Variants in MTRF1L observed in about 807,000 individuals in gnomAD.
MTRF1L encodes mitochondrial translation release factor 1 like, also known as peptide chain release factor 1-like, mitochondrial.
In MTRF1L, 29 loss-of-function variants were observed where a neutral mutation model predicts 40.0. That is an observed-to-expected ratio of 0.73 (90% CI 0.54 to 0.99). MTRF1L has a LOEUF of 0.99. Ranked by LOEUF, MTRF1L falls within the 50% of genes least tolerant of loss-of-function variation. The pLI is 0.00. For missense variants in MTRF1L, 412 were observed against 464.5 expected (o/e 0.89, Z 1.04); for synonymous variants, 150 against 175.8 (o/e 0.85, Z 1.16).
intron 3 of MTRF1L, 136 bp from the exon 4 acceptor site, chr6:152,994,812 A>G (rs1326770926): frequency 1.8e-6 from 2 of 1,087,196 alleles, no homozygotes; most frequent in Admixed American, 4.4e-5. Flanking sequence ...AAACATATTA[A>G]AATATTCAAT....
At chr6:152,991,845 G>A (rs1778535526) in intron 5 of MTRF1L, among the ~76,000 whole-genome samples, 2 of 152,110 alleles carry the variant, frequency 1.3e-5, no homozygotes, top group African/African-American at 4.8e-5. Flanking sequence ...CACCGCGCCC[G>A]GCCTAGCACA....
Position 152,998,636 on chromosome 6 carries a change from A to G in MTRF1L, c.260-7T>C. The stretch of plus-strand genomic sequence containing the variant: ...CTTAAATCTTCATTCTCATCTAGGA[A>G]AAAAAGGGCAGAAGTTAAGGTTTTC... On this transcript the variant is annotated splice_polypyrimidine_tract_variant and splice_region_variant and intron_variant, in intron 1 of 6. Coordinates refer to ENST00000367233, the MANE Select transcript of MTRF1L (RefSeq NM_019041.7). 5 of 1,581,356 alleles carry G rather than the reference A, an allele frequency of 3.2e-6. No homozygotes were observed. Among genetic ancestry groups the G allele is most frequent in the Non-Finnish European group, 4.3e-6 (5 of 1,165,778 alleles).
chr6:152,992,594 A>G (rs904425483), intron 5 of MTRF1L, among the ~76,000 whole-genome samples: 1 of 152,080 alleles, frequency 6.6e-6, no homozygotes, highest in Non-Finnish European at 1.5e-5. Flanking sequence ...AAAACTCAGA[A>G]CTCCACCTGA....
chr6:152,997,620 G>A (rs1778757729), intron 2 of MTRF1L, among the ~76,000 whole-genome samples: 1 of 152,082 alleles, frequency 6.6e-6, no homozygotes, highest in African/African-American at 2.4e-5. Context: ...AGTCTTTTTG[G>A]GGATTCTCAA....
Position 152,989,888 on chromosome 6 carries a change from A to C in MTRF1L, c.*7T>G, listed in dbSNP as rs1778440689. 1 of 1,606,346 alleles carries C rather than the reference A, an allele frequency of 6.2e-7. No homozygotes were observed. The highest frequency in any genetic ancestry group is 8.5e-7 in the Non-Finnish European group (1 of 1,177,698). Reference sequence around the variant, plus strand: ...AAGCTACGAAAGTCTATAAATAACAAATCAACTTAAACTTTTTGGGAAATA... The same window carrying C: ...AAGCTACGAAAGTCTATAAATAACACATCAACTTAAACTTTTTGGGAAATA... On this transcript the variant is annotated 3_prime_UTR_variant, in exon 7 of 7. Coordinates refer to ENST00000367233, the MANE Select transcript of MTRF1L (RefSeq NM_019041.7).
chr6:152,989,687 A>G lies in MTRF1L; in HGVS notation c.*208T>C, dbSNP rs1335034726. 8.7e-6 allele frequency: 5 copies of G among 572,650 alleles called. No homozygotes were observed. The highest frequency in any genetic ancestry group is 1.4e-5 in the Non-Finnish European group (5 of 347,024). The allele number at this position is 572,650 out of a possible 1,614,324, so 35.5% of individuals were successfully genotyped here. ...ATGGGTTTATTGGGAATTAACCACAATGTAAATCGAGGACCATCTGTATAT... is the reference window on the plus strand; with the variant it reads ...ATGGGTTTATTGGGAATTAACCACAGTGTAAATCGAGGACCATCTGTATAT... On this transcript the variant is annotated 3_prime_UTR_variant, in exon 7 of 7. Transcript: ENST00000367233.
chr6:152,992,891 C>T lies in MTRF1L; in HGVS notation c.771G>A (p.Thr257=), dbSNP rs1368810534. Residue 257 remains threonine (T), a synonymous_variant, in exon 5 of 7, where the codon ACG becomes ACA. Transcript: ENST00000367233. ...SGAGGQHVNT[T]DSAVRIVHLP... ...GATGAACTATCCGGACAGCACTGTC[C>T]GTGGTATTTACATGCTGCCCCCCAG... The T allele has an allele frequency of 1.1e-5, 18 of 1,612,056 alleles. No individual in the cohort carries two copies. The highest frequency in any genetic ancestry group is 6.7e-5 in the African/African-American group (5 of 74,822).
chr6:152,997,365 A>G (rs1251234349), intron 2 of MTRF1L, among the ~76,000 whole-genome samples: 3 of 152,216 alleles, frequency 2.0e-5, no homozygotes, highest in African/African-American at 4.8e-5. Flanking sequence ...CAAACTTTCC[A>G]CTGGATGGGT....
At chr6:152,999,288 G>T (rs943167738) in intron 1 of MTRF1L, among the ~76,000 whole-genome samples, 2 of 41,880 alleles carry the variant, frequency 4.8e-5, no homozygotes, top group African/African-American at 1.7e-4. Flanking sequence ...ATATATAAAG[G>T]AGGAGGAAAG....
chr6:152,995,490 C>T (rs1376620226), intron 2 of MTRF1L, among the ~76,000 whole-genome samples, 171 bp from the exon 3 acceptor site: 1 of 152,108 alleles, frequency 6.6e-6, no homozygotes, highest in Admixed American at 6.5e-5. Context: ...TAATGTGTAA[C>T]TTCCATAAAG....
At chr6:152,997,477 T>C (rs1357065779) in intron 2 of MTRF1L, among the ~76,000 whole-genome samples, 1 of 152,208 alleles carries the variant, frequency 6.6e-6, no homozygotes, top group African/African-American at 2.4e-5. Context: ...CTTTGAATTA[T>C]AACCAGAAGT....
chr6:152,998,670 G>C (rs773251109), intron 1 of MTRF1L, 41 bp from the exon 2 acceptor site: 1 of 1,364,732 alleles, frequency 7.3e-7, no homozygotes, highest in Non-Finnish European at 1.0e-6. Context: ...TCCTTAATTA[G>C]TGTTAAATTG....
At chr6:152,992,238 C>T (rs1229778167) in intron 5 of MTRF1L, among the ~76,000 whole-genome samples, 1 of 152,208 alleles carries the variant, frequency 6.6e-6, no homozygotes, top group African/African-American at 2.4e-5. Context: ...GATTTGCTAT[C>T]CCTATGCTCT....
intron 2 of MTRF1L, among the ~76,000 whole-genome samples, chr6:152,997,061 A>G (rs1778739038): frequency 6.6e-6 from 1 of 152,180 alleles, no homozygotes; most frequent in Non-Finnish European, 1.5e-5. Context: ...TTGCTGGTGA[A>G]GCTTGGGTGG....
chr6:152,992,340 A>G (rs1249018007), intron 5 of MTRF1L, among the ~76,000 whole-genome samples: 1 of 152,230 alleles, frequency 6.6e-6, no homozygotes, highest in Non-Finnish European at 1.5e-5. Flanking sequence ...CCCTTTGCCT[A>G]ACTATCTAGA....
At chr6:152,997,911 A>C (rs1778768046) in intron 2 of MTRF1L, among the ~76,000 whole-genome samples, 1 of 152,076 alleles carries the variant, frequency 6.6e-6, no homozygotes, top group Non-Finnish European at 1.5e-5. Context: ...TTTAGTTAAT[A>C]ATATAAAAAA....
chr6:152,991,487 T>C (rs1267262627), intron 5 of MTRF1L, 166 bp from the exon 6 acceptor site: 5 of 763,786 alleles, frequency 6.5e-6, no homozygotes, highest in Non-Finnish European at 9.5e-6. Context: ...TTTGCAGAGT[T>C]TATCAGAAAA....
At position 152,991,274 on chromosome 6, in the gene MTRF1L, C is replaced by T; in HGVS notation, c.853G>A (p.Glu285Lys). Residue 285 changes from glutamate (E) to lysine (K), a missense_variant, in exon 6 of 7, where the codon GAG becomes AAG. By Grantham distance (56) the Glu-to-Lys change is moderately conservative. Transcript: ENST00000367233. ...GCACGTAACTTTGTCATAGCCAGCT[C>T]TTTATTTTTCAGCTGAGATCTCTCT... Reference protein sequence around the residue: ...QQERSQLKNKELAMTKLRAKL... With the variant: ...QQERSQLKNKKLAMTKLRAKL... 6.2e-7 allele frequency: 1 copy of T among 1,603,302 alleles called. No homozygotes were observed. The highest frequency in any genetic ancestry group is 1.7e-5 in the Admixed American group (1 of 58,610).
intron 5 of MTRF1L, 30 bp from the exon 6 acceptor site, chr6:152,991,351 T>G: frequency 6.5e-7 from 1 of 1,542,114 alleles, no homozygotes; most frequent in Non-Finnish European, 8.7e-7. Context: ...TTAAAAAGTT[T>G]TAATAAAAAA....
Sources: gnomAD v4.1 joint callset for allele counts (sites outside exome capture counted in the v4.1 genomes callset) on GRCh38, gnomAD v4.1.1 for gene constraint, MANE v1.5 for transcripts, NCBI Gene and HGNC (gene_info 2026-07-23, HGNC 2026-07-21) for gene names.